Variants in PCNT observed in about 807,000 individuals in gnomAD.
PCNT encodes the protein pericentrin, also known as kendrin.
PCNT carries 319 observed loss-of-function variants against 380.4 expected under a neutral mutation model. The ratio of observed to expected loss-of-function variants is 0.84; its 90% CI spans 0.77 to 0.92. PCNT has a LOEUF of 0.92. Ranked by LOEUF, PCNT falls within the 40% of genes least tolerant of loss-of-function variation. The probability of loss-of-function intolerance (pLI) is 0.00; values close to 1 mark genes in which losing one functional copy is unlikely to be tolerated. For missense variants in PCNT, 4,400 were observed against 4,255.3 expected (o/e 1.03, Z -0.95); for synonymous variants, 1,845 against 1,735.2 (o/e 1.06, Z -1.57).
At chr21:46,352,846 G>A (rs139952045) in intron 9 of PCNT, among the ~76,000 whole-genome samples, 6 of 152,220 alleles carry the variant, frequency 3.9e-5, no homozygotes, top group Non-Finnish European at 8.8e-5. Flanking sequence ...CTTGCTGGCT[G>A]TGCCCCCCAC....
rs2053678785 is a variant in PCNT at position 46,443,893 on chromosome 21, G to A, written c.9784G>A (p.Asp3262Asn). ...TRDVPSGHTRDPARGRRLAAA... is the reference protein window; with the variant it reads ...TRDVPSGHTRNPARGRRLAAA... The stretch of plus-strand genomic sequence containing the variant: ...GGATGTACCCTCTGGCCACACCAGG[G>A]ACCCTGCCAGAGGCCGCAGACTGGC... Residue 3262 changes from aspartate (D) to asparagine (N), a missense_variant, in exon 45 of 47, where the codon GAC (aspartate) becomes AAC (asparagine). Transcript: ENST00000359568. 6.2e-7 allele frequency: 1 copy of A among 1,612,882 alleles called. No homozygotes were observed. The highest frequency in any genetic ancestry group is 8.5e-7 in the Non-Finnish European group (1 of 1,180,036).
chr21:46,432,011 C>T lies in PCNT; in HGVS notation c.8547C>T (p.Ala2849=), dbSNP rs1199572958. ...VSATLKSTVE[A]LHTQKRELRC... ...CCACACTGAAGTCGACGGTGGAAGC[C>T]CTGCACACCCAAAAACGAGAGCTGA... The change falls in exon 38 of 47, where the codon GCC becomes GCT. Residue 2849 remains alanine, a synonymous_variant. Coordinates refer to ENST00000359568, the MANE Select transcript of PCNT (RefSeq NM_006031.6). The T allele has an allele frequency of 6.2e-7, 1 of 1,613,864 alleles. No homozygotes were observed. The highest frequency in any genetic ancestry group is 1.7e-5 in the Admixed American group (1 of 60,028).
Position 46,350,695 on chromosome 21 carries a change from G to A in PCNT, c.1345-734G>A, listed in dbSNP as rs573570753. 1.1e-4 allele frequency among the ~76,000 whole-genome samples: 16 copies of A among 152,254 alleles called. No individual in the cohort carries two copies. In the South Asian group the frequency reaches 3.3e-3, roughly 32 times the overall value. On this transcript the variant is annotated intron_variant, in intron 8 of 46. Coordinates refer to ENST00000359568, the MANE Select transcript of PCNT (RefSeq NM_006031.6). ...CCTTGTGTCTCCCAGCGGGACTCTG[G>A]TGCCCACACACCCTCCTCTCCTGCA... is the stretch of plus-strand genomic sequence containing the variant.
intron 27 of PCNT, among the ~76,000 whole-genome samples, chr21:46,409,014 G>A (rs1362160295): frequency 2.0e-5 from 3 of 151,892 alleles, no homozygotes; most frequent in Admixed American, 6.6e-5. Flanking sequence ...ATGAGCCACC[G>A]TGCCCCACCT....
intron 3 of PCNT, among the ~76,000 whole-genome samples, chr21:46,345,059 C>G (rs1457654841): frequency 1.3e-5 from 2 of 152,122 alleles, no homozygotes; most frequent in African/African-American, 4.8e-5. Context: ...GATTGGTTTA[C>G]CTTTCATCGG....
intron 21 of PCNT, among the ~76,000 whole-genome samples, chr21:46,393,611 C>T (rs1397835111): frequency 6.6e-6 from 1 of 152,204 alleles, no homozygotes; most frequent in Non-Finnish European, 1.5e-5. Flanking sequence ...CTTCGTTTGT[C>T]AGGCCTCCGG....
chr21:46,411,844 C>G lies in PCNT; in HGVS notation c.5771C>G (p.Ala1924Gly). ...AAPPELQWLR[A>G]QCARLSRQLQ... ...CCTCCCGAGCTGCAGTGGCTCCGAG[C>G]GCAGTGTGCCCGCCTCAGCCGCCAG... Residue 1924 changes from alanine to glycine, a missense_variant, in exon 28 of 47, where the codon GCG (alanine) becomes GGG (glycine). Coordinates refer to ENST00000359568, the MANE Select transcript of PCNT (RefSeq NM_006031.6). 1 of 1,558,976 alleles carries G rather than the reference C, an allele frequency of 6.4e-7. No homozygotes were observed. The highest frequency in any genetic ancestry group is 1.1e-5 in the South Asian group (1 of 87,810).
intron 1 of PCNT, among the ~76,000 whole-genome samples, 196 bp downstream of exon 1, chr21:46,324,478 T>TCCCGCC (rs1185236205): frequency 6.7e-6 from 1 of 148,782 alleles, no homozygotes; most frequent in African/African-American, 2.5e-5. Context: ...CTCCGCCAGG[T>TCCCGCC]CCCGCCCCCG....
chr21:46,366,644 G>T lies in PCNT; in HGVS notation c.2670G>T (p.Leu890=), dbSNP rs1281950235. 1.9e-6 allele frequency: 3 copies of T among 1,614,062 alleles called. No homozygotes were observed. The highest frequency in any genetic ancestry group is 3.3e-4 in the Middle Eastern group (2 of 6,062). ...EKFSAEQDAF[L]QEAQEQHARE... ...TCAGTGCGGAACAAGATGCCTTCCT[G>T]CAGGAGGCCCAGGAGCAGCATGCCC... The change falls in exon 15 of 47, where the codon CTG becomes CTT. Residue 890 remains leucine (L), a synonymous_variant. Transcript: ENST00000359568.
intron 27 of PCNT, among the ~76,000 whole-genome samples, chr21:46,405,669 C>T (rs1404827043): frequency 6.6e-6 from 1 of 152,120 alleles, no homozygotes; most frequent in Admixed American, 6.5e-5. Flanking sequence ...GCACTGCAGC[C>T]TGGGCGACAG....
rs139835370 is a variant in PCNT, at chr21:46,355,684, C to T, written c.1936+58C>T. The stretch of plus-strand genomic sequence containing the variant: ...AGGTCCCGGGTCTGGGGGACGTTCT[C>T]GGGGAGCCTGGGTGCCTGGGTTCGA... On this transcript the variant is annotated intron_variant, in intron 12 of 46. Transcript: ENST00000359568. 5,310 of 1,578,764 alleles carry T rather than the reference C, an allele frequency of 3.4e-3. 13 individuals carry two copies. Among genetic ancestry groups the T allele is most frequent in the Non-Finnish European group, 3.8e-3 (4,442 of 1,155,670 alleles).
chr21:46,391,093 T>C (rs1799748693), intron 20 of PCNT, 71 bp from the exon 21 acceptor site: 1 of 1,431,064 alleles, frequency 7.0e-7, no homozygotes, highest in African/African-American at 1.4e-5. Flanking sequence ...GCCCCGTCCC[T>C]TCCTCCAAGC....
At chr21:46,398,294 G>A in intron 24 of PCNT, 39 bp downstream of exon 24, 1 of 1,579,826 alleles carries the variant, frequency 6.3e-7, no homozygotes, top group Non-Finnish European at 8.6e-7. Context: ...CCCTGCGCTG[G>A]CGCCCAGGCT....
chr21:46,358,646 A>T (rs2084568343), intron 13 of PCNT, among the ~76,000 whole-genome samples: 1 of 142,738 alleles, frequency 7.0e-6, no homozygotes, highest in Non-Finnish European at 1.5e-5. Context: ...TTTTTTTGAG[A>T]CTGAGTCTTG....
At position 46,334,463 on chromosome 21, in the gene PCNT, C is replaced by T; in HGVS notation, c.334C>T (p.His112Tyr). The T allele has an allele frequency of 6.2e-7, 1 of 1,614,210 alleles. No homozygotes were observed. The highest frequency in any genetic ancestry group is 1.1e-5 in the South Asian group (1 of 91,088). The change falls in exon 3 of 47, where the codon CAT (histidine) becomes TAT (tyrosine). Residue 112 changes from histidine (H) to tyrosine (Y), a missense_variant. Coordinates refer to ENST00000359568, the MANE Select transcript of PCNT (RefSeq NM_006031.6). The part of the protein sequence containing the change: ...EQLQQKQVND[H>Y]PPEQCGMFTV... ...GCTGCAGCAGAAGCAAGTCAATGAC[C>T]ATCCTCCAGAGCAGTGTGGGATGTT...
At chr21:46,393,842 A>T (rs1444007210) in intron 21 of PCNT, among the ~76,000 whole-genome samples, 1 of 152,138 alleles carries the variant, frequency 6.6e-6, no homozygotes, top group Non-Finnish European at 1.5e-5. Flanking sequence ...GAGTGTCGTG[A>T]CAGGTGGATG....
At chr21:46,443,229 GT>G in intron 44 of PCNT, 1 of 162,658 alleles carries the variant, frequency 6.1e-6, no homozygotes, top group Non-Finnish European at 1.3e-5. Flanking sequence ...TTGTTTTGTT[GT>G]TTTTTAAGAG....
At chr21:46,397,865 T>C in intron 22 of PCNT, 149 bp from the exon 23 acceptor site, 1 of 679,416 alleles carries the variant, frequency 1.5e-6, no homozygotes, top group Non-Finnish European at 2.6e-6. Context: ...AACTCCATTT[T>C]ACAAAGTGAC....
At chr21:46,399,246 A>AGGTCTCCCTGTGCAGCCGGTGGGTCTT (rs1569252509) in intron 24 of PCNT, among the ~76,000 whole-genome samples, 2 of 146,114 alleles carry the variant, frequency 1.4e-5, no homozygotes, top group Non-Finnish European at 1.5e-5. Flanking sequence ...CTCTGGGTCT[A>AGGTCTCCCTGTGCAGCCGGTGGGTCTT]GGTCTCCCTG....
Sources: allele counts gnomAD v4.1 joint callset (sites outside exome capture counted in the v4.1 genomes callset), GRCh38; gene constraint gnomAD v4.1.1; transcripts MANE v1.5; gene names NCBI Gene and HGNC (gene_info 2026-07-23, HGNC 2026-07-21).